MTUS2: variants seen among roughly 807,000 people sequenced by gnomAD.
MTUS2 encodes microtubule associated scaffold protein 2, also known as microtubule-associated tumor suppressor candidate 2.
MTUS2 carries 40 observed loss-of-function variants against 114.1 expected under a neutral mutation model. The observed-to-expected ratio is 0.35, with a 90% CI of 0.27 to 0.46. The LOEUF (loss-of-function observed/expected upper bound fraction) is 0.46. Ranked by LOEUF, MTUS2 falls within the 20% of genes least tolerant of loss-of-function variation. The pLI, the probability that MTUS2 is intolerant of heterozygous loss-of-function variation, is 1.00. For missense variants in MTUS2, 1,679 were observed against 1,705.4 expected, an observed-to-expected ratio of 0.98 and a Z score of 0.27; for synonymous variants, 688 against 672.0, an observed-to-expected ratio of 1.02 and a Z score of -0.37.
intron 5 of MTUS2, among the ~76,000 whole-genome samples, 167 bp downstream of exon 5, chr13:29,101,137 C>T (rs951594697): frequency 6.6e-6 from 1 of 152,048 alleles, no homozygotes; most frequent in Non-Finnish European, 1.5e-5. Context: ...CCATTTGACA[C>T]CATCAGTTAT....
chr13:29,345,828 C>A (rs1868619629), intron 7 of MTUS2, among the ~76,000 whole-genome samples: 1 of 152,146 alleles, frequency 6.6e-6, no homozygotes, highest in African/African-American at 2.4e-5. Context: ...TGTTCAGATT[C>A]TTCTGTCCCA....
At chr13:28,906,134 T>C (rs1879992793) in intron 2 of MTUS2, among the ~76,000 whole-genome samples, 1 of 151,502 alleles carries the variant, frequency 6.6e-6, no homozygotes, top group African/African-American at 2.4e-5. Flanking sequence ...GTCTGTTTGA[T>C]TCTTCTCTGT....
chr13:29,122,111 T>C (rs1054672860), intron 5 of MTUS2, among the ~76,000 whole-genome samples: 2 of 152,150 alleles, frequency 1.3e-5, no homozygotes, highest in Admixed American at 6.5e-5. Context: ...TTGTACTCTT[T>C]ACTGATGCAA....
chr13:29,224,528 CCTATAT>C (rs1896032431), intron 5 of MTUS2, among the ~76,000 whole-genome samples: 1 of 152,028 alleles, frequency 6.6e-6, no homozygotes, highest in African/African-American at 2.4e-5. Flanking sequence ...TTATATCTCT[CCTATAT>C]CTATATGTTG....
At chr13:29,039,394 C>T (rs1887240850) in intron 4 of MTUS2, among the ~76,000 whole-genome samples, 1 of 152,250 alleles carries the variant, frequency 6.6e-6, no homozygotes, top group Non-Finnish European at 1.5e-5. Flanking sequence ...GCATCGCGCG[C>T]CGGGCACCCT....
chr13:29,298,307 C>A (rs1470385873), intron 6 of MTUS2, among the ~76,000 whole-genome samples: 4 of 152,074 alleles, frequency 2.6e-5, no homozygotes, highest in Non-Finnish European at 5.9e-5. Flanking sequence ...TCCTCTCTAC[C>A]TAAGGAAAAA....
At chr13:28,929,274 T>C (rs2138082228) in intron 2 of MTUS2, among the ~76,000 whole-genome samples, 1 of 152,292 alleles carries the variant, frequency 6.6e-6, no homozygotes, top group South Asian at 2.1e-4. Flanking sequence ...GACTATAGTT[T>C]ATTATAATCT....
chr13:29,483,268 G>A (rs1473255217), intron 10 of MTUS2, among the ~76,000 whole-genome samples: 1 of 152,230 alleles, frequency 6.6e-6, no homozygotes, highest in African/African-American at 2.4e-5. Flanking sequence ...AGGATTTTCT[G>A]AGGCCGCAAA....
chr13:29,272,656 A>G (rs1156701886), intron 5 of MTUS2, among the ~76,000 whole-genome samples: 1 of 152,172 alleles, frequency 6.6e-6, no homozygotes, highest in East Asian at 1.9e-4. Context: ...ATTACTTTGT[A>G]GGGGGATATC....
At chr13:28,931,698 C>CT (rs1440735857) in intron 2 of MTUS2, among the ~76,000 whole-genome samples, 2 of 152,062 alleles carry the variant, frequency 1.3e-5, no homozygotes, top group East Asian at 3.9e-4. Flanking sequence ...TTTTATTATA[C>CT]TTTAAGTTTT....
Position 28,905,703 on chromosome 13 carries a change from G to A in MTUS2, c.-243+65853G>A, listed in dbSNP as rs544178090. ...GCATCAATGTTCATCAAGGATATTG[G>A]TCTAAAATTCTCTTTTTTTGTTGTG... On this transcript the variant is annotated intron_variant, in intron 2 of 15. Coordinates refer to ENST00000612955, the MANE Select transcript of MTUS2 (RefSeq NM_001033602.4). Among the ~76,000 whole-genome samples the A allele has an allele frequency of 1.4e-3, 217 of 151,670 alleles. 4 individuals are homozygous for A. Among genetic ancestry groups the A allele is most frequent in the African/African-American group, 4.5e-3 (185 of 41,150 alleles).
chr13:29,088,905 C>G (rs951372882), intron 4 of MTUS2, among the ~76,000 whole-genome samples: 1 of 152,168 alleles, frequency 6.6e-6, no homozygotes, highest in Non-Finnish European at 1.5e-5. Context: ...TCTTGCTTAT[C>G]TATCCAATTT....
intron 5 of MTUS2, among the ~76,000 whole-genome samples, chr13:29,102,195 A>G (rs573989735): frequency 1.3e-5 from 2 of 152,340 alleles, no homozygotes; most frequent in African/African-American, 2.4e-5. Flanking sequence ...TGAGATATGC[A>G]TGTGCATATT....
chr13:29,238,274 T>C (rs1452939447), intron 5 of MTUS2, among the ~76,000 whole-genome samples: 1 of 152,218 alleles, frequency 6.6e-6, no homozygotes, highest in Non-Finnish European at 1.5e-5. Context: ...TAGGGTTCTC[T>C]AGAGGGACAG....
intron 4 of MTUS2, among the ~76,000 whole-genome samples, chr13:29,044,018 G>A (rs1887498080): frequency 6.6e-6 from 1 of 152,008 alleles, no homozygotes; most frequent in Non-Finnish European, 1.5e-5. Flanking sequence ...ATAAGAAAAA[G>A]TCTTTTGAGT....
At chr13:28,966,236 CA>C (rs891327521) in intron 2 of MTUS2, among the ~76,000 whole-genome samples, 11 of 151,254 alleles carry the variant, frequency 7.3e-5, no homozygotes, top group African/African-American at 2.2e-4. Context: ...ACCAACATTG[CA>C]AAAAAAATGA....
At chr13:28,874,651 A>G (rs1877826928) in intron 2 of MTUS2, among the ~76,000 whole-genome samples, 1 of 152,166 alleles carries the variant, frequency 6.6e-6, no homozygotes, top group Non-Finnish European at 1.5e-5. Flanking sequence ...AAACCGTCCA[A>G]GAGGCCAAGG....
At chr13:29,364,036 C>T (rs1449590789) in intron 8 of MTUS2, among the ~76,000 whole-genome samples, 2 of 152,194 alleles carry the variant, frequency 1.3e-5, no homozygotes, top group African/African-American at 2.4e-5. Context: ...CCACACCCAA[C>T]ACTCATGTTT....
At chr13:29,294,382 T>G (rs547133703) in intron 6 of MTUS2, among the ~76,000 whole-genome samples, 1 of 152,214 alleles carries the variant, frequency 6.6e-6, no homozygotes. Context: ...TAACCATAGT[T>G]TGGAGAACTG....
Sources: allele counts gnomAD v4.1 joint callset (sites outside exome capture counted in the v4.1 genomes callset), GRCh38; gene constraint gnomAD v4.1.1; transcripts MANE v1.5; gene names NCBI Gene and HGNC (gene_info 2026-07-23, HGNC 2026-07-21).